Variants in RCSD1 observed in about 807,000 individuals in gnomAD.
RCSD1 encodes RCSD domain containing 1.
A neutral mutation model predicts 42.5 loss-of-function variants in RCSD1; 26 were observed. The ratio of observed to expected loss-of-function variants is 0.61; its 90% CI spans 0.45 to 0.85. The LOEUF (loss-of-function observed/expected upper bound fraction) is 0.85. RCSD1 is among the 40% of genes least tolerant of loss of function. The pLI, the probability that RCSD1 is intolerant of heterozygous loss-of-function variation, is 0.00. For synonymous variants in RCSD1, 220 were observed against 212.2 expected (o/e 1.04, Z -0.32); for missense variants, 571 against 528.3 (o/e 1.08, Z -0.79).
At position 167,684,014 on chromosome 1, in the gene RCSD1, G is replaced by A. The variant is rs760793443; in HGVS notation, c.108+13G>A. 23 of 1,603,820 alleles carry A rather than the reference G, an allele frequency of 1.4e-5. No individual in the cohort carries two copies. Among genetic ancestry groups the A allele is most frequent in the Non-Finnish European group, 1.5e-5 (18 of 1,173,004 alleles). On this transcript the variant is annotated intron_variant, in intron 2 of 6. Coordinates refer to ENST00000367854, the MANE Select transcript of RCSD1 (RefSeq NM_052862.4). ...TGCAGCCAAGGAGGTGAGTCAGGCC[G>A]CTTCAGAGCAGCCTCTTCAGCAGCG...
intron 1 of RCSD1, among the ~76,000 whole-genome samples, chr1:167,653,347 C>A (rs949303401): frequency 3.9e-5 from 6 of 152,236 alleles, no homozygotes; most frequent in Non-Finnish European, 5.9e-5. Flanking sequence ...GCAGCCCTTG[C>A]CTCCACAAAA....
chr1:167,642,415 T>C (rs2102199481), intron 1 of RCSD1, among the ~76,000 whole-genome samples: 1 of 152,338 alleles, frequency 6.6e-6, no homozygotes, highest in South Asian at 2.1e-4. Flanking sequence ...TGAAAACTGC[T>C]TCATAAGCAC....
intron 4 of RCSD1, among the ~76,000 whole-genome samples, chr1:167,692,545 G>T (rs978683093): frequency 2.0e-5 from 3 of 151,026 alleles, no homozygotes; most frequent in African/African-American, 7.3e-5. Context: ...TTTAGACAAG[G>T]TCTTGCTTTG....
At chr1:167,660,468 C>T (rs1171213300) in intron 1 of RCSD1, among the ~76,000 whole-genome samples, 1 of 146,930 alleles carries the variant, frequency 6.8e-6, no homozygotes, top group Admixed American at 6.7e-5. Flanking sequence ...CCTTAATTCA[C>T]TGTTTTGTTT....
chr1:167,655,622 G>T (rs1352487294), intron 1 of RCSD1, among the ~76,000 whole-genome samples: 1 of 152,154 alleles, frequency 6.6e-6, no homozygotes, highest in Non-Finnish European at 1.5e-5. Context: ...AGTCACCCTG[G>T]GGGGCAAGGC....
chr1:167,685,453 GCCCTGTTCCCTCC>G lies in RCSD1; in HGVS notation c.152_164del (p.Leu51ProfsTer4). The G allele has an allele frequency of 3.1e-6, 5 of 1,613,630 alleles. No individual in the cohort carries two copies. Among genetic ancestry groups the G allele is most frequent in the South Asian group, 1.1e-5 (1 of 91,014 alleles). Reference sequence around the variant, plus strand: ...CCAGTAAACCAACCCGAAGGAAACCGCCCTGTTCCCTCCCCCTGTTCCCCCCCAAGGTAGACCT... The same window carrying G: ...CCAGTAAACCAACCCGAAGGAAACCGCCCTGTTCCCCCCCAAGGTAGACCT... On this transcript the variant is annotated frameshift_variant, in exon 3 of 7. Coordinates refer to ENST00000367854, the MANE Select transcript of RCSD1 (RefSeq NM_052862.4). LOFTEE classifies it high-confidence loss of function.
intron 1 of RCSD1, among the ~76,000 whole-genome samples, chr1:167,671,880 C>T (rs1479372229): frequency 6.6e-6 from 1 of 152,222 alleles, no homozygotes; most frequent in African/African-American, 2.4e-5. Context: ...CCCTGAGGCT[C>T]CCCTGGCCTT....
chr1:167,695,162 C>T (rs768345949), intron 5 of RCSD1, among the ~76,000 whole-genome samples: 1 of 152,224 alleles, frequency 6.6e-6, no homozygotes, highest in Non-Finnish European at 1.5e-5. Flanking sequence ...TTGAGCCTGC[C>T]GGCTAGGGCC....
Position 167,708,118 on chromosome 1 carries a change from A to G in RCSD1, c.*3422A>G, listed in dbSNP as rs1439118867. Among the ~76,000 whole-genome samples the G allele has an allele frequency of 1.3e-5, 2 of 152,182 alleles. No homozygotes were observed. The highest frequency in any genetic ancestry group is 2.4e-5 in the African/African-American group (1 of 41,450). ...TAGGCCCTGTGTGACTCACGTGTCT[A>G]TACCTGAATCAACTGTTACAACCAA... On this transcript the variant is annotated 3_prime_UTR_variant, in exon 7 of 7. Coordinates refer to ENST00000367854, the MANE Select transcript of RCSD1 (RefSeq NM_052862.4).
chr1:167,665,817 CT>C (rs142368868), intron 1 of RCSD1, among the ~76,000 whole-genome samples: 131 of 145,460 alleles, frequency 9.0e-4, no homozygotes, highest in Middle Eastern at 3.6e-3. Flanking sequence ...TGATGAGCAC[CT>C]TTTTTTTTTT....
intron 1 of RCSD1, among the ~76,000 whole-genome samples, chr1:167,669,428 C>A (rs1214888373): frequency 6.6e-6 from 1 of 152,246 alleles, no homozygotes; most frequent in Non-Finnish European, 1.5e-5. Context: ...TCAAGGCCAG[C>A]CCTGATCCTC....
At chr1:167,643,487 T>C (rs1658057612) in intron 1 of RCSD1, among the ~76,000 whole-genome samples, 1 of 152,262 alleles carries the variant, frequency 6.6e-6, no homozygotes, top group Non-Finnish European at 1.5e-5. Flanking sequence ...AGCTAAACTG[T>C]AAGCTCTGCA....
intron 3 of RCSD1, among the ~76,000 whole-genome samples, chr1:167,688,443 T>TA: frequency 6.6e-6 from 1 of 151,944 alleles, no homozygotes; most frequent in East Asian, 1.9e-4. Flanking sequence ...TCATCCTAGA[T>TA]AAAAAGCTCC....
At chr1:167,674,788 A>G (rs754671407) in intron 1 of RCSD1, among the ~76,000 whole-genome samples, 3 of 152,232 alleles carry the variant, frequency 2.0e-5, no homozygotes, top group South Asian at 4.1e-4. Context: ...TATCACATTT[A>G]CTATGTATTA....
intron 1 of RCSD1, chr1:167,633,576 G>T (rs1425796333): frequency 6.6e-6 from 1 of 152,198 alleles, no homozygotes; most frequent in African/African-American, 2.4e-5. Flanking sequence ...GGAGGAAAAG[G>T]TTACTTTTTG....
chr1:167,650,906 T>A (rs781237113), intron 1 of RCSD1, among the ~76,000 whole-genome samples: 13 of 152,144 alleles, frequency 8.5e-5, no homozygotes, highest in Admixed American at 5.2e-4. Context: ...CAAAGTGCCA[T>A]GGACTGGATG....
chr1:167,665,408 A>G (rs79437549), intron 1 of RCSD1, among the ~76,000 whole-genome samples: 7,463 of 152,338 alleles, frequency 0.049, 201 homozygotes, highest in Middle Eastern at 0.065. Flanking sequence ...GATATTAATA[A>G]TAAAATTTCT....
intron 3 of RCSD1, among the ~76,000 whole-genome samples, chr1:167,688,004 T>G (rs755048833): frequency 6.6e-6 from 1 of 152,178 alleles, no homozygotes; most frequent in African/African-American, 2.4e-5. Context: ...GCTATATATA[T>G]ACATATACAG....
intron 1 of RCSD1, among the ~76,000 whole-genome samples, chr1:167,633,298 C>T (rs1479926442): frequency 6.6e-6 from 1 of 152,146 alleles, no homozygotes; most frequent in African/African-American, 2.4e-5. Context: ...GCATAAATGC[C>T]AGTTGAATAC....
Sources: allele counts gnomAD v4.1 joint callset (sites outside exome capture counted in the v4.1 genomes callset), GRCh38; gene constraint gnomAD v4.1.1; transcripts MANE v1.5; gene names NCBI Gene and HGNC (gene_info 2026-07-23, HGNC 2026-07-21).